ESRRG: variants seen among roughly 807,000 people sequenced by gnomAD.
The protein encoded by ESRRG is estrogen related receptor gamma, also known as estrogen-related receptor gamma.
ESRRG carries 13 observed loss-of-function variants against 44.0 expected under a neutral mutation model. That is an observed-to-expected ratio of 0.30 (90% CI 0.19 to 0.47). ESRRG has a LOEUF of 0.47. Ranked by LOEUF, ESRRG falls within the 20% of genes least tolerant of loss-of-function variation. The probability of loss-of-function intolerance (pLI) is 1.00; values close to 1 mark genes in which losing one functional copy is unlikely to be tolerated. For missense variants in ESRRG, 395 were observed against 580.6 expected, an observed-to-expected ratio of 0.68 and a Z score of 3.29; for synonymous variants, 215 against 214.6, an observed-to-expected ratio of 1.00 and a Z score of -0.02.
intron 3 of ESRRG, among the ~76,000 whole-genome samples, chr1:216,598,606 T>A (rs578030827): frequency 8.5e-5 from 13 of 152,316 alleles, no homozygotes; most frequent in African/African-American, 3.1e-4. Context: ...CAGCTTTCTT[T>A]GTTTTCTTGG....
chr1:216,576,063 G>A (rs1019050229), intron 3 of ESRRG, among the ~76,000 whole-genome samples: 1 of 151,936 alleles, frequency 6.6e-6, no homozygotes, highest in Non-Finnish European at 1.5e-5. Context: ...CCTGCTCCTG[G>A]TCTTCACTGC....
intron 2 of ESRRG, among the ~76,000 whole-genome samples, chr1:216,740,400 C>A (rs1245885996): frequency 6.6e-6 from 1 of 152,030 alleles, no homozygotes; most frequent in African/African-American, 2.4e-5. Context: ...TAATTAAATG[C>A]CCTTACACAA....
chr1:216,634,940 A>T (rs1213836919), intron 3 of ESRRG, among the ~76,000 whole-genome samples: 3 of 151,806 alleles, frequency 2.0e-5, no homozygotes, highest in Admixed American at 2.0e-4. Flanking sequence ...ATGGAAGCCT[A>T]TTTTTTTCTT....
intron 2 of ESRRG, among the ~76,000 whole-genome samples, chr1:216,774,838 G>A (rs896214344): frequency 3.8e-5 from 5 of 130,618 alleles, no homozygotes; most frequent in Non-Finnish European, 7.8e-5. Flanking sequence ...CTGTCAACCA[G>A]GCTGGAGTGC....
At chr1:217,113,149 A>T (rs928712292) in intron 1 of ESRRG, among the ~76,000 whole-genome samples, 1 of 152,238 alleles carries the variant, frequency 6.6e-6, no homozygotes, top group Non-Finnish European at 1.5e-5. Flanking sequence ...AGCAGGAAAC[A>T]GTCTGAGAAA....
chr1:217,024,362 A>T (rs974494729), intron 1 of ESRRG, among the ~76,000 whole-genome samples: 1 of 151,938 alleles, frequency 6.6e-6, no homozygotes, highest in Non-Finnish European at 1.5e-5. Flanking sequence ...CATTTAAAAA[A>T]AAAAAAAAAA....
chr1:216,867,562 T>C (rs994149596), intron 2 of ESRRG, among the ~76,000 whole-genome samples: 4 of 152,116 alleles, frequency 2.6e-5, no homozygotes, highest in African/African-American at 4.8e-5. Flanking sequence ...TGCAGAAAAA[T>C]TGATAAGCAA....
chr1:216,607,417 A>G (rs1321599376), intron 3 of ESRRG, among the ~76,000 whole-genome samples: 1 of 152,194 alleles, frequency 6.6e-6, no homozygotes, highest in Non-Finnish European at 1.5e-5. Context: ...CAGGGTGAGC[A>G]CAATGGTCAG....
At chr1:216,936,078 C>G (rs1202729741) in intron 2 of ESRRG, among the ~76,000 whole-genome samples, 1 of 151,974 alleles carries the variant, frequency 6.6e-6, no homozygotes, top group African/African-American at 2.4e-5. Flanking sequence ...TTTGGGAGCC[C>G]TCCAAAAGTC....
intron 2 of ESRRG, among the ~76,000 whole-genome samples, chr1:216,925,023 A>T (rs1320363433): frequency 6.6e-6 from 1 of 152,158 alleles, no homozygotes; most frequent in African/African-American, 2.4e-5. Flanking sequence ...CAGGTCCTTG[A>T]AACAGGTCCC....
At chr1:216,550,944 G>A (rs2149383062) in intron 5 of ESRRG, among the ~76,000 whole-genome samples, 1 of 152,218 alleles carries the variant, frequency 6.6e-6, no homozygotes, top group East Asian at 1.9e-4. Context: ...CACAGACTAT[G>A]GCTGATAATC....
At chr1:216,814,767 G>A (rs933209763) in intron 2 of ESRRG, among the ~76,000 whole-genome samples, 1 of 152,106 alleles carries the variant, frequency 6.6e-6, no homozygotes, top group African/African-American at 2.4e-5. Context: ...AATGTCGGTG[G>A]ATAGTTTCAG....
At chr1:217,077,406 A>C (rs1452142726) in intron 1 of ESRRG, among the ~76,000 whole-genome samples, 3 of 152,202 alleles carry the variant, frequency 2.0e-5, no homozygotes, top group East Asian at 1.9e-4. Context: ...TTAGAGCCTT[A>C]GAGTGTTCAG....
intron 2 of ESRRG, among the ~76,000 whole-genome samples, chr1:216,743,634 T>C (rs2091024782): frequency 6.6e-6 from 1 of 151,406 alleles, no homozygotes; most frequent in African/African-American, 2.4e-5. Flanking sequence ...GCTCTCACCA[T>C]TGCCATCATC....
intron 1 of ESRRG, among the ~76,000 whole-genome samples, chr1:217,099,700 G>A (rs192546595): frequency 1.3e-5 from 2 of 152,270 alleles, no homozygotes; most frequent in East Asian, 1.9e-4. Context: ...GAGTTCTAAC[G>A]GCAGCCAGAC....
At chr1:216,521,041 C>T (rs551076600) in intron 5 of ESRRG, among the ~76,000 whole-genome samples, 3 of 152,216 alleles carry the variant, frequency 2.0e-5, no homozygotes, top group South Asian at 4.1e-4. Context: ...ATGAGTCAAG[C>T]TTTTCTTAAG....
chr1:216,648,255 AATAGAAAAAGAAT>A (rs1454621542), intron 3 of ESRRG, among the ~76,000 whole-genome samples: 1 of 152,160 alleles, frequency 6.6e-6, no homozygotes, highest in Non-Finnish European at 1.5e-5. Flanking sequence ...TTTAAAGTAT[AATAGAAAAAGAAT>A]ATTCCACATT....
chr1:216,747,815 G>A (rs980200252), intron 2 of ESRRG, among the ~76,000 whole-genome samples: 1 of 152,000 alleles, frequency 6.6e-6, no homozygotes, highest in African/African-American at 2.4e-5. Context: ...AACAGTATGT[G>A]GCATAATTCA....
At chr1:216,671,684 G>C (rs149810310) in intron 2 of ESRRG, among the ~76,000 whole-genome samples, 2 of 152,104 alleles carry the variant, frequency 1.3e-5, no homozygotes, top group Non-Finnish European at 2.9e-5. Context: ...ATCCAAAACC[G>C]ATGCTATAAT....
Sources: allele counts gnomAD v4.1 joint callset (sites outside exome capture counted in the v4.1 genomes callset), GRCh38; gene constraint gnomAD v4.1.1; transcripts MANE v1.5; gene names NCBI Gene and HGNC (gene_info 2026-07-23, HGNC 2026-07-21).